The following NKAIN3 variants were observed in gnomAD, a reference collection of about 807,000 sequenced individuals.
NKAIN3 encodes the protein sodium/potassium transporting ATPase interacting 3, also known as sodium/potassium-transporting ATPase subunit beta-1-interacting protein 3.
Under a neutral mutation model 30.2 loss-of-function variants are expected in NKAIN3, and 25 were observed. The observed-to-expected ratio is 0.83, with a 90% confidence interval of 0.60 to 1.16. The LOEUF is 1.16. Ranked by LOEUF, NKAIN3 falls within the 50% of genes most tolerant of loss-of-function variation. The probability of loss-of-function intolerance (pLI) is 0.00; values close to 1 mark genes in which losing one functional copy is unlikely to be tolerated. For missense variants in NKAIN3, 225 were observed against 254.1 expected, an observed-to-expected ratio of 0.89 and a Z score of 0.78; for synonymous variants, 91 against 89.6, an observed-to-expected ratio of 1.02 and a Z score of -0.09.
At chr8:62,648,622 A>G (rs1812536624) in intron 3 of NKAIN3, among the ~76,000 whole-genome samples, 1 of 152,216 alleles carries the variant, frequency 6.6e-6, no homozygotes. Context: ...AGACACTTTC[A>G]GGAAAACCTT....
intron 1 of NKAIN3, among the ~76,000 whole-genome samples, chr8:62,533,478 T>C (rs904123514): frequency 2.8e-5 from 3 of 107,588 alleles, no homozygotes; most frequent in African/African-American, 7.7e-5. Context: ...GGGCCTTATG[T>C]GCTCATCTTC....
At chr8:62,615,949 T>G (rs1811440767) in intron 3 of NKAIN3, among the ~76,000 whole-genome samples, 1 of 152,124 alleles carries the variant, frequency 6.6e-6, no homozygotes, top group East Asian at 1.9e-4. Context: ...CTCGCCTGAT[T>G]TTTGATTCTT....
intron 3 of NKAIN3, among the ~76,000 whole-genome samples, chr8:62,613,572 G>C (rs1198787848): frequency 6.6e-6 from 1 of 151,942 alleles, no homozygotes; most frequent in East Asian, 1.9e-4. Context: ...CTATGTTTGG[G>C]ACTTTCTCTG....
At chr8:62,522,994 T>C (rs973286043) in intron 1 of NKAIN3, among the ~76,000 whole-genome samples, 1 of 152,112 alleles carries the variant, frequency 6.6e-6, no homozygotes, top group Non-Finnish European at 1.5e-5. Flanking sequence ...TGTGCAGTAA[T>C]GTACTAGGCC....
intron 1 of NKAIN3, among the ~76,000 whole-genome samples, chr8:62,319,735 G>T (rs187084168): frequency 6.6e-6 from 1 of 152,152 alleles, no homozygotes; most frequent in East Asian, 1.9e-4. Flanking sequence ...ATTTGCTGAG[G>T]AGTGCTTTAC....
intron 4 of NKAIN3, among the ~76,000 whole-genome samples, chr8:62,875,076 G>A (rs28767608): frequency 2.3e-4 from 35 of 151,844 alleles, no homozygotes; most frequent in East Asian, 1.9e-3. Context: ...CCCCATCGTC[G>A]CAGCCCAAAA....
At chr8:62,312,712 G>A (rs924934611) in intron 1 of NKAIN3, among the ~76,000 whole-genome samples, 3 of 151,986 alleles carry the variant, frequency 2.0e-5, no homozygotes, top group Admixed American at 1.3e-4. Context: ...AGCTACCTGG[G>A]AGGTTGAGGT....
intron 4 of NKAIN3, among the ~76,000 whole-genome samples, chr8:62,818,632 A>G (rs1818759962): frequency 1.3e-5 from 2 of 152,268 alleles, no homozygotes; most frequent in African/African-American, 4.8e-5. Context: ...CTGGAATATC[A>G]AAGATTAATA....
At chr8:62,750,978 C>T (rs906053904) in intron 4 of NKAIN3, among the ~76,000 whole-genome samples, 1 of 152,156 alleles carries the variant, frequency 6.6e-6, no homozygotes, top group Admixed American at 6.5e-5. Flanking sequence ...ATGCATGCCT[C>T]CTGCTCCCTG....
chr8:62,659,453 A>G (rs987390344), intron 3 of NKAIN3, among the ~76,000 whole-genome samples: 2 of 152,246 alleles, frequency 1.3e-5, no homozygotes, highest in Admixed American at 6.5e-5. Flanking sequence ...CCTTACATAC[A>G]TTAAACTTTA....
chr8:62,787,858 C>T (rs1300124727), intron 4 of NKAIN3, among the ~76,000 whole-genome samples: 1 of 151,980 alleles, frequency 6.6e-6, no homozygotes, highest in Non-Finnish European at 1.5e-5. Context: ...AGGATGGGAA[C>T]TCATCATTTT....
intron 1 of NKAIN3, among the ~76,000 whole-genome samples, chr8:62,406,072 T>G (rs1270963677): frequency 6.6e-6 from 1 of 152,222 alleles, no homozygotes; most frequent in Admixed American, 6.5e-5. Flanking sequence ...TAATTTATCT[T>G]ACTCACCATA....
chr8:62,951,772 C>T (rs1255826630), intron 5 of NKAIN3, among the ~76,000 whole-genome samples: 2 of 151,786 alleles, frequency 1.3e-5, no homozygotes, highest in Non-Finnish European at 2.9e-5. Flanking sequence ...TTAGCATAAG[C>T]CTTTATTTTA....
chr8:62,272,088 A>G (rs143081046), intron 1 of NKAIN3, among the ~76,000 whole-genome samples: 5 of 152,338 alleles, frequency 3.3e-5, no homozygotes, highest in African/African-American at 9.6e-5. Flanking sequence ...TGTTTGTTGT[A>G]TAAATGGATT....
intron 1 of NKAIN3, among the ~76,000 whole-genome samples, chr8:62,499,861 C>T (rs888608791): frequency 6.6e-6 from 1 of 150,914 alleles, no homozygotes; most frequent in Admixed American, 6.6e-5. Flanking sequence ...TTCTCTCTTT[C>T]TTTTTTTTTC....
At chr8:62,864,693 G>C (rs1012772296) in intron 4 of NKAIN3, among the ~76,000 whole-genome samples, 1 of 152,158 alleles carries the variant, frequency 6.6e-6, no homozygotes, top group Non-Finnish European at 1.5e-5. Context: ...ACAGAAGCAG[G>C]ACGGTTTCAG....
chr8:62,850,076 G>A (rs1378792987), intron 4 of NKAIN3, among the ~76,000 whole-genome samples: 2 of 152,112 alleles, frequency 1.3e-5, no homozygotes, highest in African/African-American at 2.4e-5. Flanking sequence ...CACCAACAGA[G>A]TAAAAGTGAT....
chr8:62,817,384 C>G (rs1455609939), intron 4 of NKAIN3, among the ~76,000 whole-genome samples: 1 of 152,120 alleles, frequency 6.6e-6, no homozygotes, highest in Non-Finnish European at 1.5e-5. Context: ...CAAATTTTAG[C>G]TGTTAAATTT....
At chr8:62,617,973 G>A (rs1811512127) in intron 3 of NKAIN3, among the ~76,000 whole-genome samples, 1 of 152,204 alleles carries the variant, frequency 6.6e-6, no homozygotes, top group African/African-American at 2.4e-5. Context: ...TAGTAATTCT[G>A]TGAATTCAAG....
Sources: gnomAD v4.1 joint callset for allele counts (sites outside exome capture counted in the v4.1 genomes callset) on GRCh38, gnomAD v4.1.1 for gene constraint, MANE v1.5 for transcripts, NCBI Gene and HGNC (gene_info 2026-07-23, HGNC 2026-07-21) for gene names.